The following LITAF variants were observed in gnomAD, a reference collection of about 807,000 sequenced individuals.
LITAF encodes lipopolysaccharide-induced tumor necrosis factor-alpha factor.
In LITAF, 9 loss-of-function variants were observed where a neutral mutation model predicts 14.5. The ratio of observed to expected loss-of-function variants is 0.62; its 90% confidence interval spans 0.37 to 1.08. The LOEUF (loss-of-function observed/expected upper bound fraction) is 1.08, where lower values mean the gene tolerates loss of function less well. Among genes scored for constraint, LITAF ranks in the 50% least tolerant of loss-of-function variants. The pLI, the probability that LITAF is intolerant of heterozygous loss-of-function variation, is 0.01. For missense variants in LITAF, 206 were observed against 213.4 expected, an observed-to-expected ratio of 0.97 and a Z score of 0.22; for synonymous variants, 98 against 88.2, an observed-to-expected ratio of 1.11 and a Z score of -0.62.
At chr16:11,575,522 G>A (rs914315524) in intron 1 of LITAF, 1 of 152,192 alleles carries the variant, frequency 6.6e-6, no homozygotes, top group African/African-American at 2.4e-5. Context: ...CCCCACCAAA[G>A]GGGCTTCTAT....
At chr16:11,610,401 CG>C (rs2064976195) in intron 3 of LITAF, among the ~76,000 whole-genome samples, 3 of 135,786 alleles carry the variant, frequency 2.2e-5, no homozygotes, top group South Asian at 5.1e-4. Flanking sequence ...ACGTGGCGGT[CG>C]GGCAGGCAGG....
At chr16:11,570,420 C>G (rs868700386) in intron 1 of LITAF, among the ~76,000 whole-genome samples, 20 of 152,310 alleles carry the variant, frequency 1.3e-4, no homozygotes, top group Middle Eastern at 6.8e-3. Context: ...CCACAGGGAC[C>G]TGTTCTGTAC....
At chr16:11,631,408 G>A (rs1353420559) in intron 3 of LITAF, among the ~76,000 whole-genome samples, 2 of 152,108 alleles carry the variant, frequency 1.3e-5, no homozygotes, top group Non-Finnish European at 2.9e-5. Context: ...TTTTGTTGTT[G>A]TTGTTGAGAC....
chr16:11,555,823 T>C (rs899582342), intron 2 of LITAF, among the ~76,000 whole-genome samples: 27 of 152,220 alleles, frequency 1.8e-4, no homozygotes, highest in African/African-American at 6.3e-4. Flanking sequence ...ACACACAACT[T>C]CCTCTCATGT....
At chr16:11,585,256 AT>A (rs1211897173) in intron 1 of LITAF, among the ~76,000 whole-genome samples, 5 of 151,948 alleles carry the variant, frequency 3.3e-5, no homozygotes, top group Non-Finnish European at 7.4e-5. Context: ...AAAGAAAGAA[AT>A]TGATCCTACG....
intron 3 of LITAF, among the ~76,000 whole-genome samples, chr16:11,615,940 G>C (rs1038992615): frequency 1.3e-5 from 2 of 152,172 alleles, no homozygotes; most frequent in African/African-American, 4.8e-5. Context: ...CTGGGGAGGG[G>C]AGAGGGACTA....
chr16:11,614,130 C>T (rs968455316), intron 3 of LITAF, among the ~76,000 whole-genome samples: 4 of 152,074 alleles, frequency 2.6e-5, no homozygotes, highest in Non-Finnish European at 5.9e-5. Context: ...CTCCCTCCTA[C>T]GGATGCTGTG....
intron 3 of LITAF, among the ~76,000 whole-genome samples, chr16:11,629,418 T>C (rs1399596060): frequency 6.6e-6 from 1 of 152,202 alleles, no homozygotes. Flanking sequence ...AGGTCCCAGC[T>C]GGAGGCCTGA....
intron 3 of LITAF, among the ~76,000 whole-genome samples, chr16:11,625,306 A>C (rs1424287006): frequency 1.4e-5 from 2 of 143,612 alleles, no homozygotes; most frequent in Non-Finnish European, 1.5e-5. Context: ...TCTGTCACCC[A>C]GGCTGGAATG....
rs1230509926 is a variant in LITAF at position 11,558,869 on chromosome 16, C to G, written c.-5-2134G>C. On this transcript the variant is annotated intron_variant, in intron 1 of 3. Transcript: ENST00000622633. The surrounding 1 kb of genome is among the most constrained non-coding windows in gnomAD (Gnocchi z 4.1). ...TTCTTTCTATCAGAGTGCTGTCCAA[C>G]AGAATCTTCTGTGAGGATGGAAATG... Among the ~76,000 whole-genome samples, 2 of 152,172 alleles carry G rather than the reference C, an allele frequency of 1.3e-5. No individual in the cohort carries two copies. The highest frequency in any genetic ancestry group is 4.8e-5 in the African/African-American group (2 of 41,450).
Position 11,625,933 on chromosome 16 carries a change from G to A in LITAF, c.85+7600C>T, listed in dbSNP as rs1021844575. Among the ~76,000 whole-genome samples the A allele has an allele frequency of 2.0e-5, 3 of 152,032 alleles. 1 individual carries two copies. The highest frequency in any genetic ancestry group is 4.4e-5 in the Non-Finnish European group (3 of 68,028). ...AACCTCATGACCCCAGTGCCCATGA[G>A]GAAATGGAAGCACAGAGAGGTTGGG... On this transcript the variant is annotated intron_variant, in intron 3 of 3. Transcript: ENST00000574848.
intron 1 of LITAF, among the ~76,000 whole-genome samples, chr16:11,569,962 C>T (rs758002123): frequency 6.0e-5 from 9 of 150,620 alleles, no homozygotes; most frequent in African/African-American, 1.7e-4. Context: ...ACCTGGGAAG[C>T]GGAGATTGCA....
chr16:11,554,523 C>T (rs2141706120), intron 2 of LITAF, among the ~76,000 whole-genome samples: 1 of 152,220 alleles, frequency 6.6e-6, no homozygotes, highest in South Asian at 2.1e-4. Flanking sequence ...TGGCTCACAC[C>T]TGTAATCCCA....
chr16:11,548,808 T>G lies in LITAF; in HGVS notation c.*829A>C. The G allele has an allele frequency of 2.2e-6, 1 of 453,176 alleles. No individual in the cohort carries two copies. Among genetic ancestry groups the G allele is most frequent in the South Asian group, 1.6e-5 (1 of 64,216 alleles). 28.1% of individuals were successfully genotyped at this position (453,176 alleles called of 1,614,324 possible). On this transcript the variant is annotated 3_prime_UTR_variant, in exon 4 of 4. Coordinates refer to ENST00000622633, the MANE Select transcript of LITAF (RefSeq NM_001136472.2). ...CTGGGCAACATAGTAAGACCCCATC[T>G]CTGTTTTTTTTTAAAAAAAAGAAAT...
At chr16:11,609,225 T>A (rs990013209) in intron 3 of LITAF, among the ~76,000 whole-genome samples, 12 of 151,254 alleles carry the variant, frequency 7.9e-5, no homozygotes, top group African/African-American at 1.7e-4. Context: ...TTTTTTTTTT[T>A]AATACGGAGT....
rs1313324152 is a variant in LITAF at position 11,632,885 on chromosome 16, CTG to C, written c.85+646_85+647del. On this transcript the variant is annotated intron_variant, in intron 3 of 3. Coordinates refer to the LITAF transcript ENST00000574848. The surrounding 1 kb of genome is among the most constrained non-coding windows in gnomAD (Gnocchi z 4.8). ...AATTTCCACAGAGGCCCACCCCACT[CTG>C]AGCCTCCTAGTGAAGGAAACAAAGG... Among the ~76,000 whole-genome samples the C allele has an allele frequency of 6.6e-6, 1 of 152,196 alleles. No homozygotes were observed. Among genetic ancestry groups the C allele is most frequent in the East Asian group, 1.9e-4 (1 of 5,194 alleles).
chr16:11,592,886 A>C (rs1329943640), intron 1 of LITAF, among the ~76,000 whole-genome samples: 2 of 151,390 alleles, frequency 1.3e-5, no homozygotes, highest in African/African-American at 2.4e-5. Context: ...AAATACAAAA[A>C]TTGGCCGGGT....
At chr16:11,563,867 G>A (rs1032253043) in intron 1 of LITAF, among the ~76,000 whole-genome samples, 2 of 151,922 alleles carry the variant, frequency 1.3e-5, no homozygotes, top group Non-Finnish European at 2.9e-5. Context: ...TTGGGGTGGG[G>A]GGCGTGCTTG....
intron 3 of LITAF, among the ~76,000 whole-genome samples, chr16:11,620,500 A>C (rs1213197970): frequency 6.6e-6 from 1 of 152,186 alleles, no homozygotes; most frequent in African/African-American, 2.4e-5. Context: ...TACAGCCTGC[A>C]GAACCATGAG....
Sources: allele counts gnomAD v4.1 joint callset (sites outside exome capture counted in the v4.1 genomes callset), GRCh38; gene constraint gnomAD v4.1.1; non-coding constraint Gnocchi (gnomAD v3.1); transcripts MANE v1.5; gene names NCBI Gene and HGNC (gene_info 2026-07-23, HGNC 2026-07-21).